COL25A1: variants seen among roughly 807,000 people sequenced by gnomAD.
COL25A1 encodes the protein collagen alpha-1(XXV) chain.
COL25A1 carries 103 observed loss-of-function variants against 128.4 expected under a neutral mutation model. The ratio of observed to expected loss-of-function variants is 0.80; its 90% CI spans 0.68 to 0.94. COL25A1 has a LOEUF of 0.94. Ranked by LOEUF, COL25A1 falls within the 40% of genes least tolerant of loss-of-function variation. COL25A1 has a pLI of 0.00. For synonymous variants in COL25A1, 279 were observed against 277.2 expected (o/e 1.01, Z -0.06); for missense variants, 745 against 840.0 (o/e 0.89, Z 1.40).
intron 3 of COL25A1, among the ~76,000 whole-genome samples, chr4:109,129,148 A>G (rs1365240042): frequency 1.3e-5 from 2 of 150,372 alleles, no homozygotes; most frequent in Admixed American, 6.6e-5. Context: ...TTTTTTTTTG[A>G]GACAGAGTTT....
Position 109,133,335 on chromosome 4 carries a change from A to G in COL25A1, c.368-83156T>C, listed in dbSNP as rs192317966. On this transcript the variant is annotated intron_variant, in intron 3 of 37. Transcript: ENST00000399132. Reference sequence around the variant, plus strand: ...TATGAAAACACTAGACCTTATTGTAATATTATTTTTTACTATTATCTGATA... The same window carrying G: ...TATGAAAACACTAGACCTTATTGTAGTATTATTTTTTACTATTATCTGATA... 3.3e-5 allele frequency among the ~76,000 whole-genome samples: 5 copies of G among 152,212 alleles called. 1 individual carries two copies. The highest frequency in any genetic ancestry group is 6.5e-5 in the Admixed American group (1 of 15,282).
At chr4:108,988,665 C>G (rs973496481) in intron 6 of COL25A1, among the ~76,000 whole-genome samples, 2 of 152,182 alleles carry the variant, frequency 1.3e-5, no homozygotes, top group African/African-American at 2.4e-5. Flanking sequence ...TTTTTACTCC[C>G]CCCACATTTT....
chr4:109,116,609 T>C (rs1767589767), intron 3 of COL25A1, among the ~76,000 whole-genome samples: 1 of 151,936 alleles, frequency 6.6e-6, no homozygotes, highest in Non-Finnish European at 1.5e-5. Context: ...CTCTCAAAAG[T>C]GATTACAAGG....
At chr4:109,013,455 C>T (rs1195420596) in intron 5 of COL25A1, among the ~76,000 whole-genome samples, 1 of 152,068 alleles carries the variant, frequency 6.6e-6, no homozygotes, top group African/African-American at 2.4e-5. Context: ...CTGCCTGAGC[C>T]AGCAGCAGCA....
chr4:109,086,722 C>G (rs1258107735), intron 3 of COL25A1, among the ~76,000 whole-genome samples: 1 of 152,120 alleles, frequency 6.6e-6, no homozygotes, highest in Non-Finnish European at 1.5e-5. Context: ...CTATCCATCA[C>G]CCACGCCTGG....
At chr4:109,180,867 T>C (rs1055894555) in intron 3 of COL25A1, among the ~76,000 whole-genome samples, 1 of 152,174 alleles carries the variant, frequency 6.6e-6, no homozygotes, top group African/African-American at 2.4e-5. Flanking sequence ...TTAGTATTTA[T>C]AAAACACAAT....
chr4:109,140,618 G>A (rs1770306909), intron 3 of COL25A1, among the ~76,000 whole-genome samples: 2 of 152,094 alleles, frequency 1.3e-5, no homozygotes, highest in Non-Finnish European at 2.9e-5. Flanking sequence ...TTGAGCAGTG[G>A]TTTGTAGTTC....
intron 6 of COL25A1, among the ~76,000 whole-genome samples, chr4:108,988,223 C>A (rs186700156): frequency 5.7e-4 from 87 of 152,312 alleles, no homozygotes; most frequent in African/African-American, 2.0e-3. Context: ...TACTTCCACT[C>A]CCTTTCTCTC....
intron 3 of COL25A1, among the ~76,000 whole-genome samples, chr4:109,097,659 T>A (rs1298607133): frequency 7.0e-6 from 1 of 142,302 alleles, no homozygotes; most frequent in South Asian, 2.3e-4. Flanking sequence ...TAGGTAAACA[T>A]CAATTTTTTT....
chr4:109,289,585 C>T (rs1724260413), intron 3 of COL25A1, among the ~76,000 whole-genome samples: 2 of 152,078 alleles, frequency 1.3e-5, no homozygotes, highest in East Asian at 3.8e-4. Flanking sequence ...GGTCTAGAGG[C>T]TTTGGGACCC....
intron 3 of COL25A1, among the ~76,000 whole-genome samples, chr4:109,188,644 C>T (rs189410701): frequency 2.6e-5 from 4 of 152,178 alleles, no homozygotes; most frequent in Admixed American, 2.6e-4. Context: ...AAGCCACTGG[C>T]AATCATCATC....
chr4:109,161,850 C>G (rs891500663), intron 3 of COL25A1, among the ~76,000 whole-genome samples: 1 of 152,108 alleles, frequency 6.6e-6, no homozygotes, highest in Non-Finnish European at 1.5e-5. Context: ...GATTCCCGGA[C>G]CAGTTAGTGA....
intron 19 of COL25A1, among the ~76,000 whole-genome samples, chr4:108,871,924 T>A (rs1179914320): frequency 1.3e-5 from 2 of 152,192 alleles, no homozygotes; most frequent in Non-Finnish European, 2.9e-5. Flanking sequence ...ATGGATATGT[T>A]GACTCATGGT....
intron 3 of COL25A1, among the ~76,000 whole-genome samples, chr4:109,218,505 T>G (rs1778212696): frequency 2.0e-5 from 3 of 151,844 alleles, no homozygotes; most frequent in African/African-American, 4.8e-5. Context: ...CCATCTCAGA[T>G]TTTGATATAA....
At position 109,069,615 on chromosome 4, in the gene COL25A1, G is replaced by A. The variant is rs189006444; in HGVS notation, c.368-19436C>T. Among the ~76,000 whole-genome samples the A allele has an allele frequency of 1.6e-3, 237 of 152,320 alleles. 2 individuals are homozygous for A. The highest frequency in any genetic ancestry group is 4.3e-3 in the Admixed American group (65 of 15,292). On this transcript the variant is annotated intron_variant, in intron 3 of 37. Transcript: ENST00000399132. The stretch of plus-strand genomic sequence containing the variant: ...CAGTGTAAGTATGCTGAAGTCAAAA[G>A]CTGAATGGCAAACATTTGTGACTAC...
At chr4:108,915,549 G>A (rs1435041966) in intron 13 of COL25A1, among the ~76,000 whole-genome samples, 19 of 151,978 alleles carry the variant, frequency 1.3e-4, no homozygotes, top group Non-Finnish European at 2.9e-5. Flanking sequence ...TCAAACATAA[G>A]AAAATAATTT....
intron 3 of COL25A1, among the ~76,000 whole-genome samples, chr4:109,234,988 A>T: frequency 6.6e-6 from 1 of 152,222 alleles, no homozygotes; most frequent in East Asian, 1.9e-4. Context: ...GAAACAGATA[A>T]ATAAAGTTTA....
intron 3 of COL25A1, among the ~76,000 whole-genome samples, chr4:109,188,402 C>T (rs977082719): frequency 5.9e-5 from 9 of 152,108 alleles, no homozygotes; most frequent in African/African-American, 1.9e-4. Flanking sequence ...CAGAAAGCAA[C>T]GCACTCCACC....
At chr4:108,860,037 A>C (rs561814482) in intron 23 of COL25A1, among the ~76,000 whole-genome samples, 1 of 152,264 alleles carries the variant, frequency 6.6e-6, no homozygotes, top group Admixed American at 6.5e-5. Flanking sequence ...GTGACATGTA[A>C]AATTTTATTT....
Sources: allele counts gnomAD v4.1 joint callset (sites outside exome capture counted in the v4.1 genomes callset), GRCh38; gene constraint gnomAD v4.1.1; transcripts MANE v1.5; gene names NCBI Gene and HGNC (gene_info 2026-07-23, HGNC 2026-07-21).